The following SERPINB8 variants were observed in gnomAD, a reference collection of about 807,000 sequenced individuals.
SERPINB8 encodes the protein serpin B8.
SERPINB8 carries 25 observed loss-of-function variants against 35.3 expected under a neutral mutation model. That is an observed-to-expected ratio of 0.71 (90% CI 0.52 to 0.99). The LOEUF (loss-of-function observed/expected upper bound fraction) is 0.99. SERPINB8 is among the 50% of genes least tolerant of loss of function. The pLI is 0.00. For missense variants in SERPINB8, 484 were observed against 446.5 expected (o/e 1.08, Z -0.76); for synonymous variants, 186 against 160.8 (o/e 1.16, Z -1.19).
At chr18:64,010,821 A>G (rs1381532519) in intron 7 of SERPINB8, among the ~76,000 whole-genome samples, 1 of 152,072 alleles carries the variant, frequency 6.6e-6, no homozygotes, top group African/African-American at 2.4e-5. Flanking sequence ...ACAAGATAGT[A>G]TTAAATCTGG....
rs2050800445 is a variant in SERPINB8 at position 63,988,887 on chromosome 18, A to G, written c.*1609A>G. The stretch of plus-strand genomic sequence containing the variant: ...ATTTGAAGAACACTTTAATTGACAC[A>G]GAATACATTTCACATATTTAACCTC... On this transcript the variant is annotated 3_prime_UTR_variant, in exon 7 of 7. Transcript: ENST00000397985. The G allele has an allele frequency of 6.6e-6, 1 of 151,614 alleles. No individual in the cohort carries two copies. Among genetic ancestry groups the G allele is most frequent in the Admixed American group, 6.6e-5 (1 of 15,250 alleles). 9.4% of individuals were successfully genotyped at this position (151,614 alleles called of 1,614,324 possible).
chr18:63,982,967 C>A (rs1197566779), intron 4 of SERPINB8, among the ~76,000 whole-genome samples: 1 of 151,776 alleles, frequency 6.6e-6, no homozygotes, highest in Non-Finnish European at 1.5e-5. Context: ...ATTGACAGAT[C>A]TGTGTTCTCT....
Position 63,987,359 on chromosome 18 carries a change from C to A in SERPINB8, c.*81C>A. The A allele has an allele frequency of 1.4e-6, 2 of 1,430,982 alleles. No homozygotes were observed. Among genetic ancestry groups the A allele is most frequent in the South Asian group, 2.7e-5 (2 of 74,276 alleles). The allele number at this position is 1,430,982 out of a possible 1,614,324, so 88.6% of individuals were successfully genotyped here. ...AACATTCCCTGTGACCTAGTTGGTGCAGTGGCTTGAATGCCAAAATAAAGC... is the reference window on the plus strand; with the variant it reads ...AACATTCCCTGTGACCTAGTTGGTGAAGTGGCTTGAATGCCAAAATAAAGC... On this transcript the variant is annotated 3_prime_UTR_variant, in exon 7 of 7. Coordinates refer to ENST00000397985, the MANE Select transcript of SERPINB8 (RefSeq NM_002640.4).
downstream of SERPINB8, among the ~76,000 whole-genome samples, chr18:63,992,678 C>T (rs559937856): frequency 3.5e-4 from 54 of 152,248 alleles, no homozygotes; most frequent in African/African-American, 1.0e-3. Context: ...TAACCGACCA[C>T]GATCCCTGAT....
In SERPINB8 at chr18:63,986,856, G is replaced by T; in HGVS notation, c.721-18G>T. 1 of 1,582,566 alleles carries T rather than the reference G, an allele frequency of 6.3e-7. No individual in the cohort carries two copies. The highest frequency in any genetic ancestry group is 2.2e-5 in the East Asian group (1 of 44,754). Reference sequence around the variant, plus strand: ...TATTGTCATCTAAATTTTAAGGTTTGAGTCTTTCTTATCCTAGGTGGAAAA... The same window carrying T: ...TATTGTCATCTAAATTTTAAGGTTTTAGTCTTTCTTATCCTAGGTGGAAAA... On this transcript the variant is annotated intron_variant, in intron 6 of 6. Coordinates refer to ENST00000397985, the MANE Select transcript of SERPINB8 (RefSeq NM_002640.4).
rs773865906 is a variant in SERPINB8, at chr18:63,986,868, T to C, written c.721-6T>C. On this transcript the variant is annotated splice_region_variant and splice_polypyrimidine_tract_variant and intron_variant, in intron 6 of 6. Coordinates refer to ENST00000397985, the MANE Select transcript of SERPINB8 (RefSeq NM_002640.4). ...AATTTTAAGGTTTGAGTCTTTCTTA[T>C]CCTAGGTGGAAAAAGCACTTACATA... 2 of 1,599,920 alleles carry C rather than the reference T, an allele frequency of 1.3e-6. No individual in the cohort carries two copies. Among genetic ancestry groups the C allele is most frequent in the South Asian group, 2.3e-5 (2 of 88,144 alleles).
intron 1 of SERPINB8, among the ~76,000 whole-genome samples, chr18:63,973,305 G>T (rs1322722752): frequency 3.3e-5 from 5 of 152,146 alleles, no homozygotes; most frequent in Admixed American, 3.3e-4. Context: ...AGAAGTGTCT[G>T]TTCATATCCA....
downstream of SERPINB8, among the ~76,000 whole-genome samples, chr18:63,990,058 AT>A (rs1200155661): frequency 1.0e-5 from 1 of 99,292 alleles, no homozygotes; most frequent in Non-Finnish European, 2.2e-5. Flanking sequence ...TTCTTGCTTT[AT>A]TTTGTTTTCG....
chr18:63,976,850 C>G (rs1207198219), intron 1 of SERPINB8, among the ~76,000 whole-genome samples: 1 of 152,046 alleles, frequency 6.6e-6, no homozygotes, highest in Non-Finnish European at 1.5e-5. Flanking sequence ...CTCCGTAACC[C>G]AGTTTCAGCA....
intron 1 of SERPINB8, among the ~76,000 whole-genome samples, chr18:63,995,442 G>T (rs370604386): frequency 6.6e-6 from 1 of 152,212 alleles, no homozygotes; most frequent in Non-Finnish European, 1.5e-5. Flanking sequence ...AATGTTCTCT[G>T]GTTTAGGGTC....
chr18:64,007,169 A>G (rs560455276), downstream of SERPINB8, among the ~76,000 whole-genome samples: 1 of 152,212 alleles, frequency 6.6e-6, no homozygotes, highest in South Asian at 2.1e-4. Flanking sequence ...CAGAGATTAC[A>G]ATATAATAAA....
intron 1 of SERPINB8, among the ~76,000 whole-genome samples, chr18:63,972,834 G>A (rs558745729): frequency 3.3e-5 from 5 of 151,980 alleles, no homozygotes; most frequent in African/African-American, 1.2e-4. Flanking sequence ...GTTTTTTTAT[G>A]GCTGCATAGT....
At position 64,000,133 on chromosome 18, in the gene SERPINB8, G is replaced by C. The variant is rs187071326; in HGVS notation, c.71-4686G>C. Among the ~76,000 whole-genome samples, 441 of 152,332 alleles carry C rather than the reference G, an allele frequency of 2.9e-3. 2 individuals carry two copies. The highest frequency in any genetic ancestry group is 0.01 in the African/African-American group (418 of 41,580). ...CACCTGGATCAATGAATCTGACAAAGTGGAAGAGTCCGGCTCTCTAAAGCA... is the reference window on the plus strand; with the variant it reads ...CACCTGGATCAATGAATCTGACAAACTGGAAGAGTCCGGCTCTCTAAAGCA... On this transcript the variant is annotated intron_variant, in intron 1 of 1. Coordinates refer to the SERPINB8 transcript ENST00000493661.
downstream of SERPINB8, among the ~76,000 whole-genome samples, chr18:63,991,072 A>T (rs1166554185): frequency 1.3e-5 from 2 of 152,194 alleles, no homozygotes; most frequent in Non-Finnish European, 2.9e-5. Context: ...GATTCCATTG[A>T]TCTGCTTGTC....
At chr18:64,008,964 TA>T (rs2050913525), downstream of SERPINB8, among the ~76,000 whole-genome samples, 1 of 152,118 alleles carries the variant, frequency 6.6e-6, no homozygotes, top group Non-Finnish European at 1.5e-5. Flanking sequence ...AATCAGTATA[TA>T]AAGAGGTTAG....
At chr18:64,000,482 T>C (rs956318271) in intron 1 of SERPINB8, among the ~76,000 whole-genome samples, 1 of 152,142 alleles carries the variant, frequency 6.6e-6, no homozygotes, top group Non-Finnish European at 1.5e-5. Context: ...ATTCTACTCT[T>C]GGGTGAAATC....
exon 2 of SERPINB8, chr18:64,005,040 C>T: frequency 2.5e-6 from 1 of 392,854 alleles, no homozygotes; most frequent in Non-Finnish European, 4.5e-6. Flanking sequence ...TTCTTTGGGT[C>T]CCACAAAACA....
rs1388452031 is a variant in SERPINB8, at chr18:63,979,892, G to A, written c.260G>A (p.Arg87Lys). ...AGAACTGGCACTCAGTACTTGCTTA[G>A]AACTGCCAACAGACTCTTTGGAGAA... ...VNRTGTQYLL[R>K]TANRLFGEKT... The change falls in exon 3 of 7, where the codon AGA (arginine) becomes AAA (lysine). Residue 87 changes from arginine (R) to lysine (K), a missense_variant. By Grantham distance (26) the Arg-to-Lys change is conservative. Coordinates refer to ENST00000397985, the MANE Select transcript of SERPINB8 (RefSeq NM_002640.4). The A allele has an allele frequency of 1.2e-6, 2 of 1,614,010 alleles. No homozygotes were observed. Among genetic ancestry groups the A allele is most frequent in the Non-Finnish European group, 1.7e-6 (2 of 1,180,016 alleles).
intron 2 of SERPINB8, 65 bp from the exon 3 acceptor site, chr18:63,979,736 T>C (rs1173889466): frequency 6.3e-7 from 1 of 1,591,758 alleles, no homozygotes; most frequent in Non-Finnish European, 8.6e-7. Context: ...GAGGTTTGTT[T>C]GGAGAAAGCT....
Sources: allele counts gnomAD v4.1 joint callset (sites outside exome capture counted in the v4.1 genomes callset), GRCh38; gene constraint gnomAD v4.1.1; transcripts MANE v1.5; gene names NCBI Gene and HGNC (gene_info 2026-07-23, HGNC 2026-07-21).